The following NAALADL2 variants were observed in gnomAD, a reference collection of about 807,000 sequenced individuals.
NAALADL2 encodes N-acetylated alpha-linked acidic dipeptidase like 2.
NAALADL2 carries 76 observed loss-of-function variants against 87.2 expected under a neutral mutation model. That is an observed-to-expected ratio of 0.87 (90% CI 0.72 to 1.05). The LOEUF (loss-of-function observed/expected upper bound fraction) is 1.05. Ranked by LOEUF, NAALADL2 falls within the 50% of genes least tolerant of loss-of-function variation. The pLI, the probability that NAALADL2 is intolerant of heterozygous loss-of-function variation, is 0.00. For missense variants in NAALADL2, 1,089 were observed against 945.8 expected (o/e 1.15, Z -1.99); for synonymous variants, 354 against 331.0 (o/e 1.07, Z -0.75).
chr3:175,667,381 G>T (rs1364735835), intron 11 of NAALADL2, among the ~76,000 whole-genome samples: 1 of 152,120 alleles, frequency 6.6e-6, no homozygotes, highest in African/African-American at 2.4e-5. Flanking sequence ...TATGAGCAAA[G>T]ATCCAAATTG....
chr3:174,938,807 C>T (rs139941510), intron 1 of NAALADL2, among the ~76,000 whole-genome samples: 28 of 152,156 alleles, frequency 1.8e-4, no homozygotes, highest in Non-Finnish European at 2.9e-4. Context: ...TTGTTGATCA[C>T]ATACATGTCT....
intron 9 of NAALADL2, among the ~76,000 whole-genome samples, chr3:175,515,303 C>G (rs1401222478): frequency 6.6e-6 from 1 of 152,130 alleles, no homozygotes; most frequent in East Asian, 1.9e-4. Flanking sequence ...GTAGAGGCCT[C>G]AACAAATAGT....
At chr3:174,686,277 C>T (rs1452184541) in intron 2 of NAALADL2, among the ~76,000 whole-genome samples, 3 of 152,126 alleles carry the variant, frequency 2.0e-5, no homozygotes, top group African/African-American at 7.2e-5. Flanking sequence ...CTAATTTACA[C>T]TCCCACCAAC....
chr3:174,606,150 C>T lies in NAALADL2; in HGVS notation c.-115+55513C>T, dbSNP rs1326570088. Among the ~76,000 whole-genome samples the T allele has an allele frequency of 2.6e-5, 4 of 152,114 alleles. No individual in the cohort carries two copies. The South Asian group carries it at 6.2e-4, about 24-fold the overall frequency. On this transcript the variant is annotated intron_variant, in intron 2 of 3. Coordinates refer to the NAALADL2 transcript ENST00000434257. ...AAAACTAACAAACAGAAAGGACATCCACACCAAAAACCCATCTGTACATCA... is the reference window on the plus strand; with the variant it reads ...AAAACTAACAAACAGAAAGGACATCTACACCAAAAACCCATCTGTACATCA...
intron 3 of NAALADL2, among the ~76,000 whole-genome samples, chr3:174,794,390 T>C (rs1029194828): frequency 6.6e-5 from 10 of 152,098 alleles, no homozygotes; most frequent in Non-Finnish European, 1.3e-4. Flanking sequence ...AATCTTCTCA[T>C]ATGTATCCTT....
chr3:175,297,305 G>C (rs1756512401), intron 4 of NAALADL2, among the ~76,000 whole-genome samples: 1 of 152,150 alleles, frequency 6.6e-6, no homozygotes, highest in Non-Finnish European at 1.5e-5. Flanking sequence ...AGCCGTGTTA[G>C]TACATTAAAA....
At chr3:175,459,869 C>T (rs1488969430) in intron 6 of NAALADL2, among the ~76,000 whole-genome samples, 6 of 152,140 alleles carry the variant, frequency 3.9e-5, no homozygotes, top group African/African-American at 9.7e-5. Context: ...TAATCATACA[C>T]GTTTTTACCT....
intron 1 of NAALADL2, among the ~76,000 whole-genome samples, chr3:174,481,359 C>T (rs1515581): frequency 6.6e-6 from 1 of 152,022 alleles, no homozygotes; most frequent in African/African-American, 2.4e-5. Flanking sequence ...TGAAGACATC[C>T]TAAGCCAACT....
intron 3 of NAALADL2, among the ~76,000 whole-genome samples, chr3:175,246,945 T>C (rs556132643): frequency 6.6e-6 from 1 of 152,322 alleles, no homozygotes; most frequent in South Asian, 2.1e-4. Flanking sequence ...CCAGCAGTCT[T>C]GTGGTCTCAA....
At chr3:175,547,817 T>A (rs1043469027) in intron 9 of NAALADL2, among the ~76,000 whole-genome samples, 4 of 151,884 alleles carry the variant, frequency 2.6e-5, no homozygotes, top group African/African-American at 9.7e-5. Context: ...ACATCACTGA[T>A]CATTAGAGAA....
At chr3:175,200,149 G>C (rs1739811221) in intron 2 of NAALADL2, among the ~76,000 whole-genome samples, 1 of 151,438 alleles carries the variant, frequency 6.6e-6, no homozygotes, top group Non-Finnish European at 1.5e-5. Flanking sequence ...TTTTACTTTT[G>C]CTTAAGCTTT....
chr3:175,372,309 TGC>T (rs1766608192), intron 5 of NAALADL2, among the ~76,000 whole-genome samples: 2 of 152,222 alleles, frequency 1.3e-5, no homozygotes, highest in African/African-American at 4.8e-5. Context: ...AGCGAAAACA[TGC>T]ATGTCTGTGC....
intron 3 of NAALADL2, among the ~76,000 whole-genome samples, chr3:174,817,527 G>A (rs544925018): frequency 3.9e-5 from 6 of 152,232 alleles, no homozygotes; most frequent in South Asian, 2.1e-4. Context: ...ACTTGAGCAC[G>A]GGAGTTCCAG....
At chr3:175,115,875 AG>A (rs1725045182) in intron 2 of NAALADL2, among the ~76,000 whole-genome samples, 1 of 151,926 alleles carries the variant, frequency 6.6e-6, no homozygotes. Flanking sequence ...CACATCAAAA[AG>A]CTTATCCACC....
At chr3:175,755,538 A>C in intron 13 of NAALADL2, 120 bp downstream of exon 13, 6 of 671,238 alleles carry the variant, frequency 8.9e-6, no homozygotes, top group Non-Finnish European at 1.3e-5. Flanking sequence ...TAAAGCAGTT[A>C]CTCATTTGAG....
intron 10 of NAALADL2, among the ~76,000 whole-genome samples, chr3:175,590,338 ATT>A (rs374385420): frequency 7.5e-6 from 1 of 133,480 alleles, no homozygotes. Context: ...GACCTGTTGA[ATT>A]TTTTTTTTTT....
At chr3:174,532,465 G>A (rs1285478822) in intron 1 of NAALADL2, among the ~76,000 whole-genome samples, 2 of 152,194 alleles carry the variant, frequency 1.3e-5, no homozygotes, top group Non-Finnish European at 2.9e-5. Context: ...AAATTTAGGA[G>A]TAAGAGGGAC....
At chr3:174,909,320 G>C (rs576444159) in intron 1 of NAALADL2, among the ~76,000 whole-genome samples, 1 of 151,960 alleles carries the variant, frequency 6.6e-6, no homozygotes, top group African/African-American at 2.4e-5. Context: ...CTTGAATCCC[G>C]GGAGACAGAG....
At chr3:175,004,213 A>G (rs1748680603) in intron 1 of NAALADL2, among the ~76,000 whole-genome samples, 1 of 151,980 alleles carries the variant, frequency 6.6e-6, no homozygotes, top group African/African-American at 2.4e-5. Flanking sequence ...ATCTCTATTA[A>G]AAATAAGTAA....
Sources: gnomAD v4.1 joint callset for allele counts (sites outside exome capture counted in the v4.1 genomes callset) on GRCh38, gnomAD v4.1.1 for gene constraint, MANE v1.5 for transcripts, NCBI Gene and HGNC (gene_info 2026-07-23, HGNC 2026-07-21) for gene names.